Variants in LOC400499 observed in about 807,000 individuals in gnomAD.
At chr16:11,384,018 T>C in the LOC400499 span, 10 of 1,231,744 alleles carry the variant, frequency 8.1e-6, no homozygotes, top group Non-Finnish European at 9.1e-6. Flanking sequence ...CCTGGCAGGA[T>C]GGATGCAAGA....
At chr16:11,421,735 G>T in the LOC400499 span, among the ~76,000 whole-genome samples, 3 of 152,078 alleles carry the variant, frequency 2.0e-5, no homozygotes, top group African/African-American at 7.2e-5. Flanking sequence ...AAACGCATAG[G>T]GACGGAAGGC....
the LOC400499 span, chr16:11,460,750 C>G: frequency 7.6e-7 from 1 of 1,321,578 alleles, no homozygotes. Context: ...CCATTAGAAC[C>G]TGTCGATGGG....
chr16:11,447,830 G>A, the LOC400499 span: 3 of 1,400,270 alleles, frequency 2.1e-6, no homozygotes, highest in South Asian at 3.1e-5. Context: ...GGTCAGCAGA[G>A]ATTCTCCAGG....
At chr16:11,460,064 A>T in the LOC400499 span, 1 of 1,389,364 alleles carries the variant, frequency 7.2e-7, no homozygotes, top group Non-Finnish European at 9.4e-7. Context: ...CCTGGGACAC[A>T]CATGGGTGGT....
At chr16:11,455,689 C>T in the LOC400499 span, among the ~76,000 whole-genome samples, 11 of 147,386 alleles carry the variant, frequency 7.5e-5, no homozygotes, top group South Asian at 2.2e-4. Context: ...GAGCCGAGAT[C>T]GTGCCACTGC....
chr16:11,439,686 T>A, the LOC400499 span: 2 of 397,252 alleles, frequency 5.0e-6, no homozygotes, highest in Non-Finnish European at 4.4e-6. Context: ...TGCCCAAAGC[T>A]CAAACCAGAA....
At chr16:11,392,561 T>A in the LOC400499 span, 5 of 396,426 alleles carry the variant, frequency 1.3e-5, no homozygotes, top group Non-Finnish European at 2.2e-5. Flanking sequence ...CCACTCCCCC[T>A]CCACCGCTTT....
chr16:11,404,294 A>G, the LOC400499 span, among the ~76,000 whole-genome samples: 1 of 152,178 alleles, frequency 6.6e-6, no homozygotes, highest in Non-Finnish European at 1.5e-5. Context: ...CACCTGGGCC[A>G]TCTTGCTTCC....
chr16:11,484,409 G>C, the LOC400499 span, among the ~76,000 whole-genome samples: 22 of 152,286 alleles, frequency 1.4e-4, no homozygotes, highest in African/African-American at 5.1e-4. Context: ...ACATGGGTCA[G>C]AATGTATCAA....
the LOC400499 span, chr16:11,487,227 G>A: frequency 5.6e-4 from 225 of 398,768 alleles, no homozygotes; most frequent in Middle Eastern, 4.4e-3. Context: ...TCTAGGAGAG[G>A]CCCTGCAGAG....
the LOC400499 span, among the ~76,000 whole-genome samples, chr16:11,479,463 TAAA>T: frequency 0.019 from 2,719 of 141,394 alleles, 80 homozygotes; most frequent in African/African-American, 0.066. Context: ...ATTAAAAAAT[TAAA>T]AAAAAAAAAA....
the LOC400499 span, chr16:11,446,753 G>A: frequency 2.0e-6 from 3 of 1,535,814 alleles, no homozygotes; most frequent in East Asian, 4.9e-5. Context: ...CTCACGTAGG[G>A]GTGTCCGGCC....
At chr16:11,467,893 G>A in the LOC400499 span, among the ~76,000 whole-genome samples, 3 of 152,160 alleles carry the variant, frequency 2.0e-5, no homozygotes, top group African/African-American at 7.2e-5. Flanking sequence ...GCTAAGCTGA[G>A]GTGATGAGGG....
the LOC400499 span, chr16:11,442,373 A>C: frequency 2.0e-5 from 3 of 152,250 alleles, no homozygotes; most frequent in African/African-American, 7.2e-5. Flanking sequence ...GGAGCCCGCC[A>C]CCATGCCTGG....
At chr16:11,507,883 A>G in the LOC400499 span, among the ~76,000 whole-genome samples, 896 of 152,176 alleles carry the variant, frequency 5.9e-3, 5 homozygotes, top group African/African-American at 0.02. Flanking sequence ...GCAGTGAGCC[A>G]TGATTTCACC....
At chr16:11,487,644 G>A in the LOC400499 span, among the ~76,000 whole-genome samples, 9 of 152,216 alleles carry the variant, frequency 5.9e-5, no homozygotes, top group African/African-American at 1.9e-4. Flanking sequence ...AGGCTTCCCA[G>A]AATGGCTGAG....
chr16:11,495,199 ACT>A, the LOC400499 span, among the ~76,000 whole-genome samples: 2 of 137,156 alleles, frequency 1.5e-5, no homozygotes, highest in South Asian at 2.4e-4. Context: ...GCAGAGCGAA[ACT>A]CTGTCTCCAA....
At chr16:11,383,144 C>T in the LOC400499 span, among the ~76,000 whole-genome samples, 1 of 151,860 alleles carries the variant, frequency 6.6e-6, no homozygotes, top group Non-Finnish European at 1.5e-5. Flanking sequence ...CAGCTCACTG[C>T]AAGCTCTGCC....
chr16:11,385,831 C>G, the LOC400499 span, among the ~76,000 whole-genome samples: 1 of 152,160 alleles, frequency 6.6e-6, no homozygotes, highest in Non-Finnish European at 1.5e-5. Flanking sequence ...TGTGGTGATG[C>G]AGGCACAACT....
Sources: gnomAD v4.1 joint callset for allele counts (sites outside exome capture counted in the v4.1 genomes callset) on GRCh38, gnomAD v4.1.1 for gene constraint, MANE v1.5 for transcripts.